The following CCDC80 variants were observed in gnomAD, a reference collection of about 807,000 sequenced individuals.
CCDC80 encodes coiled-coil domain-containing protein 80.
In CCDC80, 49 loss-of-function variants were observed where a neutral mutation model predicts 78.7. The ratio of observed to expected loss-of-function variants is 0.62; its 90% CI spans 0.50 to 0.79. The LOEUF is 0.79. CCDC80 is among the 30% of genes least tolerant of loss of function. The pLI is 0.00. For synonymous variants in CCDC80, 488 were observed against 447.0 expected, an observed-to-expected ratio of 1.09 and a Z score of -1.16; for missense variants, 1,205 against 1,198.6, an observed-to-expected ratio of 1.01 and a Z score of -0.08.
At chr3:112,606,735 T>C (rs1440845773) in intron 7 of CCDC80, among the ~76,000 whole-genome samples, 2 of 152,182 alleles carry the variant, frequency 1.3e-5, no homozygotes, top group Non-Finnish European at 2.9e-5. Context: ...TCTCTGAGCC[T>C]TTTAGTGTAT....
chr3:112,605,552 C>G lies in CCDC80; in HGVS notation c.2718G>C (p.Gln906His), dbSNP rs1196485365. Residue 906 changes from glutamine to histidine, a missense_variant, in exon 8 of 8, where the codon CAG becomes CAC. Coordinates refer to ENST00000206423, the MANE Select transcript of CCDC80 (RefSeq NM_199511.3). ...CTGGGCAGCGCATCCCCAGTGACTGCTGAATCGCCATTTCCTGTCTCCGAA... is the reference window on the plus strand; with the variant it reads ...CTGGGCAGCGCATCCCCAGTGACTGGTGAATCGCCATTTCCTGTCTCCGAA... ...MQLRRQEMAI[Q>H]QSLGMRCPED... 2 of 1,614,074 alleles carry G rather than the reference C, an allele frequency of 1.2e-6. No homozygotes were observed. The highest frequency in any genetic ancestry group is 1.7e-6 in the Non-Finnish European group (2 of 1,180,046).
chr3:112,616,652 T>G, intron 5 of CCDC80, 58 bp downstream of exon 5: 582 of 1,588,684 alleles, frequency 3.7e-4, no homozygotes, highest in Non-Finnish European at 4.6e-4. Context: ...GGCATTTTCA[T>G]GAGCTCACTC....
In CCDC80 at chr3:112,603,773, T is replaced by C. The variant is rs1935417851; in HGVS notation, c.*1644A>G. 6.6e-6 allele frequency: 1 copy of C among 152,000 alleles called. No homozygotes were observed. The highest frequency in any genetic ancestry group is 2.4e-5 in the African/African-American group (1 of 41,368). The allele number at this position is 152,000 out of a possible 1,614,324, so 9.4% of individuals were successfully genotyped here. On this transcript the variant is annotated 3_prime_UTR_variant, in exon 8 of 8. Transcript: ENST00000206423. ...TTCGTAAGACTATAACTGTCACAGA[T>C]TGTGATCCCGCTAATGGATCTGGGC...
chr3:112,630,861 C>T (rs888087585), intron 2 of CCDC80, among the ~76,000 whole-genome samples: 6 of 152,176 alleles, frequency 3.9e-5, no homozygotes, highest in Non-Finnish European at 7.3e-5. Context: ...CACATTCAGC[C>T]TGCACAGAGT....
intron 4 of CCDC80, among the ~76,000 whole-genome samples, chr3:112,618,198 G>A (rs937313851): frequency 3.7e-4 from 57 of 152,158 alleles, no homozygotes; most frequent in African/African-American, 9.7e-5. Context: ...ACTTTTGTCC[G>A]CAAGCATAGA....
intron 3 of CCDC80, among the ~76,000 whole-genome samples, chr3:112,619,865 G>A (rs998642119): frequency 6.6e-6 from 1 of 152,158 alleles, no homozygotes. Flanking sequence ...TGTCAGGAAA[G>A]CATTTTAACA....
intron 3 of CCDC80, among the ~76,000 whole-genome samples, chr3:112,623,142 C>T (rs1466265462): frequency 2.0e-5 from 3 of 152,088 alleles, no homozygotes; most frequent in Middle Eastern, 3.2e-3. Context: ...TAAGGTCTGG[C>T]CCTAGTAGTA....
At chr3:112,623,870 C>A (rs1404404921) in intron 3 of CCDC80, among the ~76,000 whole-genome samples, 1 of 152,162 alleles carries the variant, frequency 6.6e-6, no homozygotes, top group Non-Finnish European at 1.5e-5. Flanking sequence ...CTTGTGCACT[C>A]AACATTTTGG....
rs930949859 is a variant in CCDC80 at position 112,638,749 on chromosome 3, C to T, written c.1157G>A (p.Arg386Lys). 5.0e-6 allele frequency: 8 copies of T among 1,613,724 alleles called. No homozygotes were observed. Among genetic ancestry groups the T allele is most frequent in the South Asian group, 2.2e-5 (2 of 91,070 alleles). ...MTTTAFPTTQ[R>K]PWTPSPSHRP... ...GTGGGAGGGTGAGGGGGTCCAGGGC[C>T]TCTGCGTGGTGGGAAAGGCAGTGGT... The change falls in exon 2 of 8, where the codon AGG becomes AAG. Residue 386 changes from arginine to lysine, a missense_variant. Arg to Lys is a conservative substitution (Grantham distance 26, BLOSUM62 2). Transcript: ENST00000206423.
intron 2 of CCDC80, among the ~76,000 whole-genome samples, chr3:112,635,406 C>G (rs946589786): frequency 2.6e-5 from 4 of 152,146 alleles, no homozygotes; most frequent in Non-Finnish European, 5.9e-5. Context: ...AGCACTAAGC[C>G]TTAATGAATA....
In CCDC80 at chr3:112,601,908, T is replaced by A. The variant is rs1935382954; in HGVS notation, c.*3509A>T. On this transcript the variant is annotated 3_prime_UTR_variant, in exon 8 of 8. Coordinates refer to ENST00000206423, the MANE Select transcript of CCDC80 (RefSeq NM_199511.3). ...TAATCTCCTTCCTTGTAATTTTTTTTATAAGATGCCAGTATGGTAATAGGT... is the reference window on the plus strand; with the variant it reads ...TAATCTCCTTCCTTGTAATTTTTTTAATAAGATGCCAGTATGGTAATAGGT... 6.6e-6 allele frequency: 1 copy of A among 152,216 alleles called. No homozygotes were observed. Among genetic ancestry groups the A allele is most frequent in the Non-Finnish European group, 1.5e-5 (1 of 68,032 alleles). 9.4% of individuals were successfully genotyped at this position (152,216 alleles called of 1,614,324 possible).
intron 5 of CCDC80, among the ~76,000 whole-genome samples, chr3:112,610,916 T>TC (rs1491559745): frequency 2.4e-4 from 6 of 24,794 alleles, no homozygotes; most frequent in Non-Finnish European, 4.6e-4. Context: ...TCTTTCTTTC[T>TC]TTTTTTTTTT....
intron 5 of CCDC80, among the ~76,000 whole-genome samples, chr3:112,615,115 A>C (rs553876832): frequency 5.3e-5 from 8 of 152,342 alleles, no homozygotes; most frequent in African/African-American, 1.9e-4. Context: ...TTAATTGAAA[A>C]GGATCAACAT....
intron 3 of CCDC80, among the ~76,000 whole-genome samples, chr3:112,623,172 T>C (rs1038073728): frequency 6.6e-6 from 1 of 152,168 alleles, no homozygotes; most frequent in Non-Finnish European, 1.5e-5. Flanking sequence ...CCTAGAGTGC[T>C]ATTCTTTAAA....
intron 2 of CCDC80, among the ~76,000 whole-genome samples, chr3:112,633,065 C>A (rs976945130): frequency 6.6e-6 from 1 of 152,210 alleles, no homozygotes; most frequent in African/African-American, 2.4e-5. Context: ...TCTTCTGAAG[C>A]TCAGCATTGT....
intron 6 of CCDC80, among the ~76,000 whole-genome samples, chr3:112,609,529 G>A (rs879765986): frequency 6.6e-6 from 1 of 151,920 alleles, no homozygotes; most frequent in Admixed American, 6.6e-5. Context: ...TTAAGAGAAG[G>A]GCAATATAGT....
At chr3:112,619,414 G>A (rs1935818295) in intron 3 of CCDC80, among the ~76,000 whole-genome samples, 1 of 152,162 alleles carries the variant, frequency 6.6e-6, no homozygotes, top group African/African-American at 2.4e-5. Context: ...GGAGAAGACT[G>A]CAACTCACCC....
chr3:112,610,063 C>A lies in CCDC80; in HGVS notation c.2340G>T (p.Arg780Ser). ...NFLSRFRWRR[R>S]LLVISAPNDE... Reference sequence around the variant, plus strand: ...CGTTAGGAGCAGAGATCACCAGCAACCTCCTCCTCCACCGGAACCTGGAAA... The same window carrying A: ...CGTTAGGAGCAGAGATCACCAGCAAACTCCTCCTCCACCGGAACCTGGAAA... The change falls in exon 6 of 8, where the codon AGG becomes AGT. Residue 780 changes from arginine to serine, a missense_variant. Physicochemically the swap from Arg to Ser is moderately radical, Grantham distance 110. Transcript: ENST00000206423. 1.2e-6 allele frequency: 2 copies of A among 1,613,496 alleles called. No individual in the cohort carries two copies. Among genetic ancestry groups the A allele is most frequent in the Non-Finnish European group, 1.7e-6 (2 of 1,179,848 alleles).
Position 112,638,979 on chromosome 3 carries a change from C to T in CCDC80, c.927G>A (p.Glu309=). 6.2e-7 allele frequency: 1 copy of T among 1,612,174 alleles called. No individual in the cohort carries two copies. The highest frequency in any genetic ancestry group is 1.1e-5 in the South Asian group (1 of 91,070). ...CTCTCCTTGGGTCCTCTTTCTTCTT[C>T]TCGCTGCCCAGGCTTGGCCTTCCTG... ...GGAGRPSLGS[E]KKKEDPRRAQ... is the part of the protein sequence containing the mutation. The change falls in exon 2 of 8, where the codon GAG becomes GAA. Residue 309 remains glutamate, a synonymous_variant. Transcript: ENST00000206423.
Sources: allele counts gnomAD v4.1 joint callset (sites outside exome capture counted in the v4.1 genomes callset), GRCh38; gene constraint gnomAD v4.1.1; transcripts MANE v1.5; gene names NCBI Gene and HGNC (gene_info 2026-07-23, HGNC 2026-07-21).